NOVA1: variants seen among roughly 807,000 people sequenced by gnomAD.
The protein encoded by NOVA1 is RNA-binding protein Nova-1.
Under a neutral mutation model 38.0 loss-of-function variants are expected in NOVA1, and 7 were observed. The observed-to-expected ratio is 0.18, with a 90% CI of 0.10 to 0.35. The LOEUF is 0.35. Ranked by LOEUF, NOVA1 falls within the 10% of genes least tolerant of loss-of-function variation. The pLI is 1.00. For missense variants in NOVA1, 460 were observed against 616.0 expected (o/e 0.75, Z 2.68); for synonymous variants, 270 against 232.5 (o/e 1.16, Z -1.47).
chr14:26,556,106 T>C lies in NOVA1; in HGVS notation c.280+39304A>G, dbSNP rs186087719. 3.9e-5 allele frequency among the ~76,000 whole-genome samples: 6 copies of C among 152,208 alleles called. No homozygotes were observed. The East Asian group carries it at 1.2e-3, about 29-fold the overall frequency. On this transcript the variant is annotated intron_variant, in intron 2 of 4. Coordinates refer to ENST00000539517, the MANE Select transcript of NOVA1 (RefSeq NM_002515.3). ...TACTTGATCTATAGATGCAATGCAA[T>C]ACCCATCAAAAGTCCAGTGAGTTAT...
At chr14:26,573,499 T>C (rs1404405859) in intron 2 of NOVA1, among the ~76,000 whole-genome samples, 3 of 151,528 alleles carry the variant, frequency 2.0e-5, no homozygotes, top group Non-Finnish European at 4.4e-5. Context: ...AAGAGAAAGA[T>C]CTCATGAAAA....
At chr14:26,525,494 T>C (rs1035087810) in intron 2 of NOVA1, among the ~76,000 whole-genome samples, 4 of 152,164 alleles carry the variant, frequency 2.6e-5, no homozygotes, top group Non-Finnish European at 5.9e-5. Context: ...ATAAAACTTA[T>C]ACTAAATGAC....
intron 4 of NOVA1, among the ~76,000 whole-genome samples, chr14:26,462,608 A>AT (rs1491444112): frequency 1.3e-5 from 2 of 152,212 alleles, no homozygotes; most frequent in African/African-American, 4.8e-5. Context: ...AAAATATTAC[A>AT]TATGTTACAC....
intron 2 of NOVA1, among the ~76,000 whole-genome samples, chr14:26,502,477 G>C (rs1887308468): frequency 6.6e-6 from 1 of 151,440 alleles, no homozygotes; most frequent in African/African-American, 2.4e-5. Flanking sequence ...AATAGTATTA[G>C]CATTTTCGTT....
chr14:26,596,916 C>T (rs1335069368), intron 1 of NOVA1: 2 of 1,177,848 alleles, frequency 1.7e-6, no homozygotes, highest in African/African-American at 3.2e-5. Flanking sequence ...GACTGTTAAA[C>T]GCAGCGCGCA....
At chr14:26,531,685 G>A (rs1036269252) in intron 2 of NOVA1, among the ~76,000 whole-genome samples, 13 of 152,158 alleles carry the variant, frequency 8.5e-5, no homozygotes, top group Non-Finnish European at 1.8e-4. Context: ...CAAAAAGTAA[G>A]ACAGGTTTTT....
chr14:26,561,103 C>T (rs970906648), intron 2 of NOVA1, among the ~76,000 whole-genome samples: 2 of 152,072 alleles, frequency 1.3e-5, no homozygotes, highest in Non-Finnish European at 2.9e-5. Context: ...ATAGGGTTTC[C>T]GTCCTATGAG....
At chr14:26,531,200 C>T (rs1300819695) in intron 2 of NOVA1, among the ~76,000 whole-genome samples, 3 of 152,170 alleles carry the variant, frequency 2.0e-5, no homozygotes, top group South Asian at 2.1e-4. Flanking sequence ...GTGATGATAG[C>T]AATTTTAGAT....
At chr14:26,451,098 T>C (rs2138564179) in intron 4 of NOVA1, among the ~76,000 whole-genome samples, 1 of 152,296 alleles carries the variant, frequency 6.6e-6, no homozygotes, top group African/African-American at 2.4e-5. Flanking sequence ...TTATAGGCTG[T>C]TAATAAAAGG....
chr14:26,504,242 T>G (rs1887460330), intron 2 of NOVA1, among the ~76,000 whole-genome samples: 1 of 152,162 alleles, frequency 6.6e-6, no homozygotes, highest in Non-Finnish European at 1.5e-5. Flanking sequence ...GTAGCGTACA[T>G]CTGGACACCA....
intron 1 of NOVA1, 131 bp downstream of exon 1, chr14:26,597,170 G>C: frequency 8.5e-7 from 1 of 1,182,446 alleles, no homozygotes; most frequent in Non-Finnish European, 1.1e-6. Context: ...CGCAGGGGCC[G>C]CCGGGTTCGG....
chr14:26,598,002 G>A lies in NOVA1; in HGVS notation c.-566C>T, dbSNP rs2138840255. On this transcript the variant is annotated 5_prime_UTR_variant, in exon 1 of 5. Transcript: ENST00000539517. ...CGTTGCGCTCGCTCCCGCTGCTGGT[G>A]CTGCCGCCGCCGCCGCTGCCGGAGC... Among the ~76,000 whole-genome samples the A allele has an allele frequency of 6.6e-6, 1 of 151,690 alleles. No individual in the cohort carries two copies. Among genetic ancestry groups the A allele is most frequent in the East Asian group, 2.0e-4 (1 of 5,022 alleles).
rs1171377694 is a variant in NOVA1, at chr14:26,447,978, T to C, written c.1505A>G (p.Asn502Ser). The C allele has an allele frequency of 3.1e-6, 5 of 1,614,020 alleles. No individual in the cohort carries two copies. Among genetic ancestry groups the C allele is most frequent in the Non-Finnish European group, 4.2e-6 (5 of 1,179,946 alleles). The change falls in exon 5 of 5, where the codon AAT becomes AGT. Residue 502 changes from asparagine to serine, a missense_variant. Coordinates refer to ENST00000539517, the MANE Select transcript of NOVA1 (RefSeq NM_002515.3). ...ITYEQGVRAA[N>S]PQKVG ...GGGCACTCAACCCACTTTCTGAGGA[T>C]TGGCAGCCCGAACTCCTTGCTCATA... is the stretch of plus-strand genomic sequence containing the variant.
At chr14:26,471,003 C>A (rs1401118457) in intron 4 of NOVA1, among the ~76,000 whole-genome samples, 1 of 152,046 alleles carries the variant, frequency 6.6e-6, no homozygotes, top group Non-Finnish European at 1.5e-5. Flanking sequence ...TTTTAAACTT[C>A]ATGCATTTGT....
rs191810371 is a variant in NOVA1 at position 26,472,721 on chromosome 14, T to A, written c.448-330A>T. 1.8e-3 allele frequency among the ~76,000 whole-genome samples: 264 copies of A among 149,204 alleles called. 1 individual carries two copies. The highest frequency in any genetic ancestry group is 2.7e-3 in the Non-Finnish European group (185 of 67,440). On this transcript the variant is annotated intron_variant, in intron 3 of 4. Transcript: ENST00000539517. ...CTCTTGTTTTCTTGGGGAAAAGAGA[T>A]GTAAAAAAAAAAAAAATTCAAGAAG...
At chr14:26,498,926 A>C (rs1463631298) in intron 2 of NOVA1, among the ~76,000 whole-genome samples, 1 of 152,224 alleles carries the variant, frequency 6.6e-6, no homozygotes, top group Non-Finnish European at 1.5e-5. Context: ...GCTAAGTGAA[A>C]TAAGCCAGCC....
At chr14:26,510,705 T>C (rs1566491223) in intron 2 of NOVA1, among the ~76,000 whole-genome samples, 1 of 152,224 alleles carries the variant, frequency 6.6e-6, no homozygotes, top group East Asian at 1.9e-4. Context: ...AAAGGCAAAA[T>C]GGGCATGTGG....
intron 2 of NOVA1, among the ~76,000 whole-genome samples, chr14:26,571,101 A>C (rs1248677362): frequency 6.6e-6 from 1 of 151,800 alleles, no homozygotes; most frequent in Non-Finnish European, 1.5e-5. Flanking sequence ...TACAGGTTAA[A>C]TAATATGGAT....
intron 2 of NOVA1, among the ~76,000 whole-genome samples, chr14:26,567,029 T>C (rs1055538057): frequency 3.3e-5 from 5 of 151,976 alleles, no homozygotes; most frequent in Non-Finnish European, 7.4e-5. Flanking sequence ...AACATGAAAA[T>C]GGAAGAAATA....
Sources: allele counts gnomAD v4.1 joint callset (sites outside exome capture counted in the v4.1 genomes callset), GRCh38; gene constraint gnomAD v4.1.1; transcripts MANE v1.5; gene names NCBI Gene and HGNC (gene_info 2026-07-23, HGNC 2026-07-21).